Variants in C18orf63 observed in about 807,000 individuals in gnomAD.
C18orf63 encodes the protein uncharacterized protein C18orf63.
C18orf63 carries 50 observed loss-of-function variants against 75.3 expected under a neutral mutation model. That is an observed-to-expected ratio of 0.66 (90% confidence interval 0.53 to 0.84). The LOEUF is 0.84. Ranked by LOEUF, C18orf63 falls within the 40% of genes least tolerant of loss-of-function variation. The pLI, the probability that C18orf63 is intolerant of heterozygous loss-of-function variation, is 0.00. For missense variants in C18orf63, 732 were observed against 800.2 expected, an observed-to-expected ratio of 0.91 and a Z score of 1.03; for synonymous variants, 232 against 267.6, an observed-to-expected ratio of 0.87 and a Z score of 1.30.
At chr18:74,342,868 T>C (rs1984512108) in intron 10 of C18orf63, among the ~76,000 whole-genome samples, 1 of 152,118 alleles carries the variant, frequency 6.6e-6, no homozygotes, top group Non-Finnish European at 1.5e-5. Context: ...AACTCTTAAA[T>C]CTTAGTACTG....
In C18orf63 at chr18:74,357,496, T is replaced by C. The variant is rs949833551; in HGVS notation, c.*1049T>C. The C allele has an allele frequency of 1.3e-5, 2 of 152,200 alleles. No individual in the cohort carries two copies. Among genetic ancestry groups the C allele is most frequent in the African/African-American group, 4.8e-5 (2 of 41,438 alleles). The allele number at this position is 152,200 out of a possible 1,614,324, so 9.4% of individuals were successfully genotyped here. On this transcript the variant is annotated 3_prime_UTR_variant, in exon 14 of 14. Coordinates refer to ENST00000579455, the MANE Select transcript of C18orf63 (RefSeq NM_001174123.2). ...CATTTTATATGTTTGATATACGAAA[T>C]ATTATATAATTGTTGTAATATATTT...
At chr18:74,319,834 C>CA (rs1174026506) in intron 2 of C18orf63, among the ~76,000 whole-genome samples, 2 of 148,960 alleles carry the variant, frequency 1.3e-5, no homozygotes, top group Admixed American at 1.3e-4. Context: ...GTATATAGGA[C>CA]AAAAATTGAG....
At chr18:74,355,532 A>G (rs1984750441) in intron 13 of C18orf63, among the ~76,000 whole-genome samples, 1 of 152,120 alleles carries the variant, frequency 6.6e-6, no homozygotes, top group Admixed American at 6.5e-5. Flanking sequence ...TGTAATTCCT[A>G]CACTTTGGGA....
chr18:74,353,331 G>A lies in C18orf63; in HGVS notation c.1064G>A (p.Cys355Tyr). 2 of 1,536,464 alleles carry A rather than the reference G, an allele frequency of 1.3e-6. No homozygotes were observed. Among genetic ancestry groups the A allele is most frequent in the Non-Finnish European group, 1.7e-6 (2 of 1,146,974 alleles). Residue 355 changes from cysteine (C) to tyrosine (Y), a missense_variant, in exon 12 of 14, where the codon TGT (cysteine) becomes TAT (tyrosine). Coordinates refer to ENST00000579455, the MANE Select transcript of C18orf63 (RefSeq NM_001174123.2). ...LTQATSRKPA[C>Y]AQSLLPCSVA... ...CAAGCCACTTCCAGAAAGCCTGCCTGTGCTCAAAGTCTTCTACCATGTTCA... is the reference window on the plus strand; with the variant it reads ...CAAGCCACTTCCAGAAAGCCTGCCTATGCTCAAAGTCTTCTACCATGTTCA...
intron 11 of C18orf63, among the ~76,000 whole-genome samples, chr18:74,352,421 A>ATG (rs1351950766): frequency 6.6e-5 from 10 of 152,134 alleles, no homozygotes; most frequent in Non-Finnish European, 5.9e-5. Flanking sequence ...ATTTATGTGT[A>ATG]TGTGTGTGTG....
intron 5 of C18orf63, 69 bp from the exon 6 acceptor site, chr18:74,328,926 T>C (rs1984254773): frequency 1.2e-6 from 1 of 850,854 alleles, no homozygotes; most frequent in Non-Finnish European, 1.9e-6. Flanking sequence ...ACATCAAGCA[T>C]AGTTATAAAT....
chr18:74,354,686 T>G, intron 13 of C18orf63, 140 bp downstream of exon 13: 1 of 576,850 alleles, frequency 1.7e-6, no homozygotes, highest in South Asian at 2.2e-5. Context: ...AAATAGGACA[T>G]GGTGGGAACA....
intron 3 of C18orf63, among the ~76,000 whole-genome samples, chr18:74,322,200 T>C (rs1166687044): frequency 6.6e-6 from 1 of 152,230 alleles, no homozygotes; most frequent in Non-Finnish European, 1.5e-5. Flanking sequence ...GATTGCATGT[T>C]AACAAATAGT....
chr18:74,321,109 A>C (rs982478902), intron 3 of C18orf63, among the ~76,000 whole-genome samples: 1 of 152,202 alleles, frequency 6.6e-6, no homozygotes. Flanking sequence ...TCTAAAAATC[A>C]TATTATCCTG....
chr18:74,354,619 A>G (rs1984732274), intron 13 of C18orf63, 73 bp downstream of exon 13: 4 of 665,992 alleles, frequency 6.0e-6, no homozygotes, highest in Middle Eastern at 2.5e-4. Flanking sequence ...GGGGTCCCCA[A>G]CCTCTTGGTA....
At chr18:74,345,745 T>G (rs1984563388) in intron 11 of C18orf63, among the ~76,000 whole-genome samples, 1 of 152,146 alleles carries the variant, frequency 6.6e-6, no homozygotes, top group Non-Finnish European at 1.5e-5. Flanking sequence ...CTTTAATCTC[T>G]TTCTCTGGTC....
chr18:74,357,472 A>G lies in C18orf63; in HGVS notation c.*1025A>G, dbSNP rs975186953. Reference sequence around the variant, plus strand: ...ATGAATATTATTCTGGCTTTCAAACATTTTATATGTTTGATATACGAAATA... The same window carrying G: ...ATGAATATTATTCTGGCTTTCAAACGTTTTATATGTTTGATATACGAAATA... On this transcript the variant is annotated 3_prime_UTR_variant, in exon 14 of 14. Transcript: ENST00000579455. The G allele has an allele frequency of 1.3e-5, 2 of 152,230 alleles. No individual in the cohort carries two copies. The highest frequency in any genetic ancestry group is 4.8e-5 in the African/African-American group (2 of 41,462). 9.4% of individuals were successfully genotyped at this position (152,230 alleles called of 1,614,324 possible).
rs1044663796 is a variant in C18orf63 at position 74,353,948 on chromosome 18, G to T, written c.1681G>T (p.Ala561Ser). The T allele has an allele frequency of 1.6e-5, 24 of 1,536,124 alleles. No homozygotes were observed. Among genetic ancestry groups the T allele is most frequent in the Non-Finnish European group, 6.1e-6 (7 of 1,146,910 alleles). The change falls in exon 12 of 14, where the codon GCT becomes TCT. Residue 561 changes from alanine to serine, a missense_variant. By Grantham distance (99) the Ala-to-Ser change is moderately conservative (BLOSUM62 1). Coordinates refer to ENST00000579455, the MANE Select transcript of C18orf63 (RefSeq NM_001174123.2). The stretch of plus-strand genomic sequence containing the variant: ...TAACAATTTAGGGGTGGTAAAAAGT[G>T]CTGTTGACTTCCAAATGAAAGGAAA... ...SNNNLGVVKSAVDFQMKGKEN... is the reference protein window; with the variant it reads ...SNNNLGVVKSSVDFQMKGKEN...
intron 7 of C18orf63, among the ~76,000 whole-genome samples, chr18:74,335,079 T>C (rs1984369594): frequency 6.6e-6 from 1 of 152,174 alleles, no homozygotes; most frequent in Non-Finnish European, 1.5e-5. Flanking sequence ...ATATTATCTA[T>C]GCAAATGTCT....
rs933636655 is a variant in C18orf63 at position 74,343,656 on chromosome 18, G to A, written c.932G>A (p.Ser311Asn). Reference sequence around the variant, plus strand: ...TGTGGATTTCCCATAAAGATGACAAGTAAACCATGCTACTACACACAAGAA... The same window carrying A: ...TGTGGATTTCCCATAAAGATGACAAATAAACCATGCTACTACACACAAGAA... Reference protein sequence around the residue: ...HICGFPIKMTSKPCYYTQELT... With the variant: ...HICGFPIKMTNKPCYYTQELT... Residue 311 changes from serine (S) to asparagine (N), a missense_variant, in exon 11 of 14, where the codon AGT becomes AAT. Transcript: ENST00000579455. 1.3e-6 allele frequency: 2 copies of A among 1,534,130 alleles called. No homozygotes were observed. The highest frequency in any genetic ancestry group is 2.7e-5 in the African/African-American group (2 of 73,102).
chr18:74,332,380 G>A (rs558281401), intron 7 of C18orf63, among the ~76,000 whole-genome samples: 1 of 152,128 alleles, frequency 6.6e-6, no homozygotes, highest in African/African-American at 2.4e-5. Flanking sequence ...ATTCATGAGG[G>A]CAAAGCCCTC....
chr18:74,321,751 A>G (rs976545331), intron 3 of C18orf63, among the ~76,000 whole-genome samples: 9 of 152,172 alleles, frequency 5.9e-5, no homozygotes, highest in African/African-American at 2.2e-4. Context: ...CAAGAATGTG[A>G]ATTTAAGCAA....
At chr18:74,322,568 G>T (rs11151943) in intron 3 of C18orf63, 130 bp from the exon 4 acceptor site, 163,699 of 309,068 alleles carry the variant, frequency 0.53, 44,311 homozygotes, top group Non-Finnish European at 0.57. Flanking sequence ...CTTCTCCAAG[G>T]CACAAACCCT....
chr18:74,318,756 C>T (rs1343729160), intron 2 of C18orf63, among the ~76,000 whole-genome samples: 1 of 150,550 alleles, frequency 6.6e-6, no homozygotes, highest in African/African-American at 2.5e-5. Context: ...TGCCACTGCA[C>T]TCTAGCCTGG....
Sources: allele counts gnomAD v4.1 joint callset (sites outside exome capture counted in the v4.1 genomes callset), GRCh38; gene constraint gnomAD v4.1.1; transcripts MANE v1.5; gene names NCBI Gene and HGNC (gene_info 2026-07-23, HGNC 2026-07-21).